SRPK1: variants seen among roughly 807,000 people sequenced by gnomAD.
The protein encoded by SRPK1 is SFRS protein kinase 1.
Under a neutral mutation model 89.5 loss-of-function variants are expected in SRPK1, and 52 were observed. The ratio of observed to expected loss-of-function variants is 0.58; its 90% CI spans 0.46 to 0.73. The LOEUF (loss-of-function observed/expected upper bound fraction) is 0.73, where lower values mean the gene tolerates loss of function less well. Ranked by LOEUF, SRPK1 falls within the 30% of genes least tolerant of loss-of-function variation. SRPK1 has a pLI of 0.00. For synonymous variants in SRPK1, 255 were observed against 270.2 expected (o/e 0.94, Z 0.55); for missense variants, 603 against 780.6 (o/e 0.77, Z 2.71).
At chr6:35,905,271 C>A (rs186894662) in intron 2 of SRPK1, among the ~76,000 whole-genome samples, 1 of 152,282 alleles carries the variant, frequency 6.6e-6, no homozygotes, top group African/African-American at 2.4e-5. Flanking sequence ...CATCTTCTCA[C>A]AGGGTAACAG....
intron 12 of SRPK1, among the ~76,000 whole-genome samples, chr6:35,861,099 C>G (rs905677847): frequency 1.3e-5 from 2 of 152,112 alleles, no homozygotes; most frequent in Non-Finnish European, 2.9e-5. Context: ...GCCTCATCCA[C>G]AGAAAGGAAC....
At chr6:35,903,153 A>G (rs1469795872) in intron 2 of SRPK1, among the ~76,000 whole-genome samples, 1 of 152,058 alleles carries the variant, frequency 6.6e-6, no homozygotes, top group African/African-American at 2.4e-5. Context: ...ACGGAAAGAT[A>G]GGGTTGCCTA....
chr6:35,868,326 C>A (rs1769953744), intron 12 of SRPK1, among the ~76,000 whole-genome samples: 1 of 151,944 alleles, frequency 6.6e-6, no homozygotes. Flanking sequence ...CACTATACAT[C>A]AAAAAACATA....
intron 14 of SRPK1, 132 bp from the exon 15 acceptor site, chr6:35,838,561 T>C: frequency 7.3e-7 from 1 of 1,372,618 alleles, no homozygotes; most frequent in East Asian, 2.4e-5. Context: ...TTACTTTCTA[T>C]CCTAAATGGG....
intron 2 of SRPK1, among the ~76,000 whole-genome samples, chr6:35,894,865 A>C (rs1770597187): frequency 6.6e-6 from 1 of 152,180 alleles, no homozygotes; most frequent in African/African-American, 2.4e-5. Context: ...AAAGTCAAGA[A>C]AACAAAGCAG....
At chr6:35,863,707 C>G (rs1241405261) in intron 12 of SRPK1, among the ~76,000 whole-genome samples, 1 of 151,824 alleles carries the variant, frequency 6.6e-6, no homozygotes, top group Admixed American at 6.6e-5. Context: ...GGGATTTTAT[C>G]AACACCAGAC....
At chr6:35,867,564 C>T (rs979416981) in intron 12 of SRPK1, among the ~76,000 whole-genome samples, 3 of 152,064 alleles carry the variant, frequency 2.0e-5, no homozygotes, top group Non-Finnish European at 4.4e-5. Flanking sequence ...GCCTGTAGTC[C>T]CAACACTTTG....
chr6:35,919,203 T>C (rs955053170), intron 2 of SRPK1, among the ~76,000 whole-genome samples: 9 of 152,186 alleles, frequency 5.9e-5, no homozygotes, highest in African/African-American at 2.2e-4. Flanking sequence ...ACACAAACTC[T>C]CATTTACAAG....
intron 7 of SRPK1, among the ~76,000 whole-genome samples, chr6:35,873,648 C>T (rs979860190): frequency 6.6e-6 from 1 of 151,252 alleles, no homozygotes; most frequent in African/African-American, 2.4e-5. Flanking sequence ...TACCACCACA[C>T]CCGGCTAATT....
chr6:35,843,784 G>A (rs1395808970), intron 13 of SRPK1, among the ~76,000 whole-genome samples: 1 of 151,998 alleles, frequency 6.6e-6, no homozygotes, highest in Non-Finnish European at 1.5e-5. Context: ...AAGATTAAGT[G>A]TAAAGGGAGT....
At chr6:35,894,588 T>C (rs1770591818) in intron 2 of SRPK1, among the ~76,000 whole-genome samples, 1 of 152,186 alleles carries the variant, frequency 6.6e-6, no homozygotes, top group Non-Finnish European at 1.5e-5. Context: ...AATTTTTTAT[T>C]AGGGAAATTT....
chr6:35,856,384 A>G lies in SRPK1; in HGVS notation c.1620+877T>C, dbSNP rs139676407. ...CAAGCTTAGCACTTTCTGAGGGGGT[A>G]ATGCAAACCTCTTAATTTGTAGCCA... On this transcript the variant is annotated intron_variant, in intron 13 of 15. Coordinates refer to ENST00000373825, the MANE Select transcript of SRPK1 (RefSeq NM_003137.5). Among the ~76,000 whole-genome samples the G allele has an allele frequency of 2.7e-4, 41 of 151,832 alleles. 2 individuals carry two copies. The East Asian group carries it at 7.7e-3, about 29-fold the overall frequency.
intron 2 of SRPK1, among the ~76,000 whole-genome samples, chr6:35,911,062 T>G (rs1770950460): frequency 6.6e-6 from 1 of 152,222 alleles, no homozygotes; most frequent in Admixed American, 6.5e-5. Flanking sequence ...CATTTCAACT[T>G]TCAAGTCTTA....
intron 12 of SRPK1, among the ~76,000 whole-genome samples, chr6:35,866,470 A>C (rs1401142668): frequency 6.6e-6 from 1 of 152,184 alleles, no homozygotes; most frequent in Non-Finnish European, 1.5e-5. Flanking sequence ...CTGTAGTCCC[A>C]GCTACGCGGG....
chr6:35,842,293 T>C (rs760785746), intron 14 of SRPK1, among the ~76,000 whole-genome samples: 13 of 152,068 alleles, frequency 8.5e-5, no homozygotes, highest in Non-Finnish European at 1.9e-4. Context: ...GAAGAAAAAA[T>C]TGTCCAGCAC....
At chr6:35,887,833 A>G (rs1770442104) in intron 5 of SRPK1, 191 bp downstream of exon 5, 1 of 400,194 alleles carries the variant, frequency 2.5e-6, no homozygotes, top group Non-Finnish European at 4.4e-6. Context: ...TCATCATAGC[A>G]TTTGCCACCA....
chr6:35,873,606 C>T (rs1330151215), intron 7 of SRPK1, among the ~76,000 whole-genome samples: 1 of 151,636 alleles, frequency 6.6e-6, no homozygotes, highest in East Asian at 1.9e-4. Flanking sequence ...TCTCCTGCCT[C>T]AGCCTGCCGA....
chr6:35,913,814 AT>A (rs200403003), intron 2 of SRPK1, among the ~76,000 whole-genome samples: 13 of 147,048 alleles, frequency 8.8e-5, no homozygotes, highest in South Asian at 2.2e-4. Context: ...AGAAAAAAAA[AT>A]AAAAGAGAGA....
rs550851706 is a variant in SRPK1, at chr6:35,900,546, G to A, written c.75-9533C>T. Among the ~76,000 whole-genome samples, 23 of 152,198 alleles carry A rather than the reference G, an allele frequency of 1.5e-4. No homozygotes were observed. The Middle Eastern group carries it at 0.01, about 68-fold the overall frequency. Reference sequence around the variant, plus strand: ...AGCCCTAATTTATCTGAACCTATCCGGTTCTTGAGTTTTAGCTGGTGAACA... The same window carrying A: ...AGCCCTAATTTATCTGAACCTATCCAGTTCTTGAGTTTTAGCTGGTGAACA... On this transcript the variant is annotated intron_variant, in intron 2 of 15. Coordinates refer to ENST00000373825, the MANE Select transcript of SRPK1 (RefSeq NM_003137.5).
Sources: gnomAD v4.1 joint callset for allele counts (sites outside exome capture counted in the v4.1 genomes callset) on GRCh38, gnomAD v4.1.1 for gene constraint, MANE v1.5 for transcripts, NCBI Gene and HGNC (gene_info 2026-07-23, HGNC 2026-07-21) for gene names.